EYS: variants seen among roughly 807,000 people sequenced by gnomAD.
The protein encoded by EYS is protein eyes shut homolog.
In EYS, 250 loss-of-function variants were observed where a neutral mutation model predicts 282.1. The observed-to-expected ratio is 0.89, with a 90% confidence interval of 0.80 to 0.98. The LOEUF is 0.98. EYS is among the 50% of genes least tolerant of loss of function. The pLI, the probability that EYS is intolerant of heterozygous loss-of-function variation, is 0.00. For missense variants in EYS, 4,016 were observed against 3,709.0 expected (o/e 1.08, Z -2.15); for synonymous variants, 1,355 against 1,282.9 (o/e 1.06, Z -1.20).
chr6:65,120,722 C>G lies in EYS; in HGVS notation c.2024-62995G>C, dbSNP rs894514830. ...TCTTTCTGTGAATCACCTCTTCGCC[C>G]TCCCATTCTTTTGCTCAATTTTAGC... On this transcript the variant is annotated intron_variant, in intron 12 of 42. Transcript: ENST00000503581. 4.9e-4 allele frequency among the ~76,000 whole-genome samples: 74 copies of G among 152,124 alleles called. 2 individuals are homozygous for G. Among genetic ancestry groups the G allele is most frequent in the Admixed American group, 4.8e-3 (74 of 15,266 alleles).
chr6:65,526,200 T>C (rs1473279460), intron 2 of EYS, among the ~76,000 whole-genome samples: 1 of 152,166 alleles, frequency 6.6e-6, no homozygotes, highest in African/African-American at 2.4e-5. Flanking sequence ...CCTTATCTAA[T>C]CCTAGTTATC....
intron 12 of EYS, among the ~76,000 whole-genome samples, chr6:65,149,610 C>T (rs1031283416): frequency 7.2e-5 from 11 of 151,836 alleles, no homozygotes; most frequent in African/African-American, 2.7e-4. Flanking sequence ...GGCTGGACTT[C>T]ATTGTCCAAA....
intron 24 of EYS, among the ~76,000 whole-genome samples, chr6:64,606,189 A>C (rs1766929984): frequency 6.6e-6 from 1 of 152,006 alleles, no homozygotes; most frequent in African/African-American, 2.4e-5. Context: ...TAAGTGCTAA[A>C]ATATGTGTCA....
intron 31 of EYS, among the ~76,000 whole-genome samples, chr6:64,214,486 T>C (rs1008069002): frequency 7.2e-5 from 11 of 152,266 alleles, no homozygotes; most frequent in Admixed American, 7.2e-4. Flanking sequence ...CATCTTGTTA[T>C]AGTCATTTTC....
At chr6:64,175,252 C>CAATA (rs1457889381) in intron 31 of EYS, among the ~76,000 whole-genome samples, 2 of 152,038 alleles carry the variant, frequency 1.3e-5, no homozygotes, top group African/African-American at 2.4e-5. Flanking sequence ...TTGATTTATT[C>CAATA]AATAAATAAA....
chr6:64,332,342 G>A (rs1056732404), intron 29 of EYS, among the ~76,000 whole-genome samples: 1 of 152,194 alleles, frequency 6.6e-6, no homozygotes, highest in Non-Finnish European at 1.5e-5. Flanking sequence ...CAAGCCTTAA[G>A]TGAGACCATG....
chr6:63,893,215 C>T (rs1773452124), intron 35 of EYS, among the ~76,000 whole-genome samples: 1 of 152,094 alleles, frequency 6.6e-6, no homozygotes. Context: ...ACCCAGCAAT[C>T]CTAATACTGG....
At chr6:65,274,475 C>T (rs1442358781) in intron 12 of EYS, among the ~76,000 whole-genome samples, 2 of 152,128 alleles carry the variant, frequency 1.3e-5, no homozygotes, top group Admixed American at 6.6e-5. Flanking sequence ...ATCTCCTTGT[C>T]CCTAGTATAC....
intron 15 of EYS, among the ~76,000 whole-genome samples, chr6:64,930,088 A>G (rs1768661329): frequency 6.6e-6 from 1 of 152,184 alleles, no homozygotes; most frequent in South Asian, 2.1e-4. Context: ...ATAATTTGAT[A>G]AAAACTACTC....
chr6:65,391,331 T>A lies in EYS; in HGVS notation c.1185-6831A>T, dbSNP rs1766022837. On this transcript the variant is annotated intron_variant, in intron 7 of 42. Coordinates refer to ENST00000503581, the MANE Select transcript of EYS (RefSeq NM_001142800.2). ...AGATATTTTTAATAGTTATATAGTT[T>A]ATGACCAGAAACTGAAGTTAAAAAC... 2.6e-5 allele frequency among the ~76,000 whole-genome samples: 4 copies of A among 152,228 alleles called. No homozygotes were observed. In the Middle Eastern group the frequency reaches 0.01, roughly 388 times the overall value.
At chr6:65,121,789 T>A (rs894899496) in intron 12 of EYS, among the ~76,000 whole-genome samples, 2 of 152,170 alleles carry the variant, frequency 1.3e-5, no homozygotes, top group Non-Finnish European at 2.9e-5. Context: ...CAATTCAGGT[T>A]AGGCTATAGT....
At chr6:64,919,917 C>T (rs1325616803) in intron 15 of EYS, among the ~76,000 whole-genome samples, 1 of 152,116 alleles carries the variant, frequency 6.6e-6, no homozygotes, top group Non-Finnish European at 1.5e-5. Context: ...TTGGGTCACG[C>T]CTCCAGTATA....
intron 31 of EYS, among the ~76,000 whole-genome samples, chr6:64,132,246 G>T (rs1774002993): frequency 1.3e-5 from 2 of 151,876 alleles, no homozygotes; most frequent in Non-Finnish European, 2.9e-5. Flanking sequence ...AAATATAAAT[G>T]GCCTGTCATA....
chr6:65,686,545 C>T (rs761921190), intron 1 of EYS, among the ~76,000 whole-genome samples: 2 of 152,098 alleles, frequency 1.3e-5, no homozygotes, highest in Non-Finnish European at 2.9e-5. Context: ...AATACATAAA[C>T]ACACATATAT....
chr6:65,391,106 C>T (rs1473102403), intron 7 of EYS, among the ~76,000 whole-genome samples: 1 of 151,802 alleles, frequency 6.6e-6, no homozygotes, highest in Non-Finnish European at 1.5e-5. Flanking sequence ...CATGTCTGTA[C>T]TTATTATTTT....
At chr6:64,358,272 A>G (rs1771895613) in intron 29 of EYS, among the ~76,000 whole-genome samples, 1 of 151,688 alleles carries the variant, frequency 6.6e-6, no homozygotes, top group Non-Finnish European at 1.5e-5. Context: ...CTCTTTCACC[A>G]GAGGGTGCCA....
chr6:64,197,568 T>G (rs1371323026), intron 31 of EYS, among the ~76,000 whole-genome samples: 1 of 152,186 alleles, frequency 6.6e-6, no homozygotes, highest in Non-Finnish European at 1.5e-5. Flanking sequence ...ATGTCTAACT[T>G]ATCATTTTGT....
At chr6:63,969,145 T>TC (rs1451177979) in intron 35 of EYS, among the ~76,000 whole-genome samples, 3 of 152,104 alleles carry the variant, frequency 2.0e-5, no homozygotes, top group Admixed American at 2.0e-4. Context: ...GGTATCCTCA[T>TC]CCCCCCCTTA....
chr6:64,159,074 C>T (rs1031898095), intron 31 of EYS, among the ~76,000 whole-genome samples: 3 of 152,124 alleles, frequency 2.0e-5, no homozygotes, highest in African/African-American at 7.2e-5. Context: ...GGGAGATTAG[C>T]TCCCAAATCC....
Sources: allele counts gnomAD v4.1 joint callset (sites outside exome capture counted in the v4.1 genomes callset), GRCh38; gene constraint gnomAD v4.1.1; transcripts MANE v1.5; gene names NCBI Gene and HGNC (gene_info 2026-07-23, HGNC 2026-07-21).